The following SHISA9 variants were observed in gnomAD, a reference collection of about 807,000 sequenced individuals.
SHISA9 encodes shisa family member 9.
SHISA9 carries 13 observed loss-of-function variants against 38.0 expected under a neutral mutation model. The ratio of observed to expected loss-of-function variants is 0.34; its 90% confidence interval spans 0.22 to 0.54. The LOEUF is 0.54. Ranked by LOEUF, SHISA9 falls within the 20% of genes least tolerant of loss-of-function variation. SHISA9 has a pLI of 0.91. For synonymous variants in SHISA9, 275 were observed against 242.0 expected, an observed-to-expected ratio of 1.14 and a Z score of -1.27; for missense variants, 538 against 575.8, an observed-to-expected ratio of 0.93 and a Z score of 0.67.
chr16:13,530,117 G>A, the SHISA9 span, among the ~76,000 whole-genome samples: 2 of 152,260 alleles, frequency 1.3e-5, no homozygotes, highest in South Asian at 4.1e-4. Context: ...TGGCCAACAT[G>A]GTGAAATCTC....
At chr16:12,996,952 A>G (rs534979524) in intron 2 of SHISA9, among the ~76,000 whole-genome samples, 5 of 152,292 alleles carry the variant, frequency 3.3e-5, no homozygotes, top group African/African-American at 7.2e-5. Context: ...GCAGCCCCCA[A>G]CTGCCAAATC....
intron 2 of SHISA9, among the ~76,000 whole-genome samples, chr16:13,127,542 C>T (rs886766860): frequency 6.6e-6 from 1 of 151,288 alleles, no homozygotes; most frequent in African/African-American, 2.4e-5. Context: ...TAAAGAGAAG[C>T]GGAACTTGGA....
the SHISA9 span, among the ~76,000 whole-genome samples, chr16:13,286,661 C>G: frequency 6.6e-6 from 1 of 152,180 alleles, no homozygotes; most frequent in Non-Finnish European, 1.5e-5. Context: ...GTTTGTTTAT[C>G]ACTAGAGGAT....
intron 2 of SHISA9, among the ~76,000 whole-genome samples, chr16:13,153,282 C>CA (rs959832645): frequency 3.8e-4 from 57 of 151,392 alleles, no homozygotes; most frequent in Non-Finnish European, 5.5e-4. Flanking sequence ...AAAAAAAAAA[C>CA]AAAAAAAACC....
the SHISA9 span, among the ~76,000 whole-genome samples, chr16:13,293,114 A>G: frequency 6.6e-6 from 1 of 152,302 alleles, no homozygotes; most frequent in East Asian, 1.9e-4. Flanking sequence ...AATAGCCTTC[A>G]CATATTACCC....
chr16:12,940,760 T>C (rs2071599842), intron 2 of SHISA9, among the ~76,000 whole-genome samples: 1 of 152,196 alleles, frequency 6.6e-6, no homozygotes, highest in South Asian at 2.1e-4. Flanking sequence ...ATGGGTTCTG[T>C]CTCTTTCTAA....
the SHISA9 span, among the ~76,000 whole-genome samples, chr16:13,348,009 C>T: frequency 6.6e-6 from 1 of 152,168 alleles, no homozygotes; most frequent in African/African-American, 2.4e-5. Context: ...ATCACATAGT[C>T]ACAAGGGTGA....
chr16:12,920,671 A>G (rs1487458184), intron 2 of SHISA9, among the ~76,000 whole-genome samples: 1 of 152,214 alleles, frequency 6.6e-6, no homozygotes, highest in East Asian at 1.9e-4. Flanking sequence ...AACAAAAGAT[A>G]GTACACAGAG....
chr16:12,998,825 T>C (rs1479201904), intron 2 of SHISA9, among the ~76,000 whole-genome samples: 1 of 152,212 alleles, frequency 6.6e-6, no homozygotes, highest in Non-Finnish European at 1.5e-5. Flanking sequence ...AACAACTCAG[T>C]GCTTACGTTG....
chr16:13,520,139 TGTC>T, the SHISA9 span, among the ~76,000 whole-genome samples: 1 of 152,058 alleles, frequency 6.6e-6, no homozygotes, highest in Non-Finnish European at 1.5e-5. Flanking sequence ...TGAAAACAAA[TGTC>T]ACCCACGTGA....
At chr16:12,939,953 A>G (rs1208401974) in intron 2 of SHISA9, among the ~76,000 whole-genome samples, 1 of 152,220 alleles carries the variant, frequency 6.6e-6, no homozygotes, top group African/African-American at 2.4e-5. Context: ...TTCTGATGTC[A>G]GTGGTCCTGA....
downstream of SHISA9, among the ~76,000 whole-genome samples, chr16:13,243,767 GC>G: frequency 7.1e-6 from 1 of 140,652 alleles, no homozygotes. Flanking sequence ...GTTTACAGCA[GC>G]GTTTTTTTTT....
intron 2 of SHISA9, among the ~76,000 whole-genome samples, chr16:12,939,504 T>A (rs961946): frequency 0.13 from 20,382 of 152,242 alleles, 1,712 homozygotes; most frequent in Admixed American, 0.18. Flanking sequence ...GTACTTTGAA[T>A]GGAATCCTGC....
downstream of SHISA9, among the ~76,000 whole-genome samples, chr16:13,243,370 G>C (rs1208878353): frequency 1.3e-5 from 2 of 152,254 alleles, no homozygotes; most frequent in Non-Finnish European, 2.9e-5. Flanking sequence ...ACATTTTAGG[G>C]AGACATGAGA....
intron 2 of SHISA9, among the ~76,000 whole-genome samples, chr16:13,000,504 A>G (rs527810906): frequency 6.6e-6 from 1 of 152,284 alleles, no homozygotes; most frequent in South Asian, 2.1e-4. Context: ...TCAGTTGGTC[A>G]CTGGCTCTGG....
chr16:13,469,425 A>AAAGAGAAAGAAAGAAAG, the SHISA9 span, among the ~76,000 whole-genome samples: 2 of 117,302 alleles, frequency 1.7e-5, no homozygotes, highest in African/African-American at 6.4e-5. Context: ...AAGAAAGAAA[A>AAAGAGAAAGAAAGAAAG]AGAAAGAAAG....
chr16:13,403,107 A>AAC, the SHISA9 span, among the ~76,000 whole-genome samples: 119 of 118,292 alleles, frequency 1.0e-3, no homozygotes, highest in East Asian at 0.034. Flanking sequence ...CCGTCTCAAA[A>AAC]ACACAAAAAA....
At chr16:13,032,572 T>G (rs1186979348) in intron 2 of SHISA9, among the ~76,000 whole-genome samples, 1 of 152,194 alleles carries the variant, frequency 6.6e-6, no homozygotes, top group East Asian at 1.9e-4. Context: ...ATGCAGTAAT[T>G]TTTAGAAATG....
the SHISA9 span, among the ~76,000 whole-genome samples, chr16:13,279,565 C>T: frequency 6.6e-6 from 1 of 151,884 alleles, no homozygotes; most frequent in African/African-American, 2.4e-5. Flanking sequence ...CTTGTATGGA[C>T]CTGCATATGA....
Sources: allele counts gnomAD v4.1 joint callset (sites outside exome capture counted in the v4.1 genomes callset), GRCh38; gene constraint gnomAD v4.1.1; transcripts MANE v1.5; gene names NCBI Gene and HGNC (gene_info 2026-07-23, HGNC 2026-07-21).